Variants in ARID3A observed in about 807,000 individuals in gnomAD.
The protein encoded by ARID3A is AT-rich interaction domain 3A, also known as AT-rich interactive domain-containing protein 3A.
A neutral mutation model predicts 52.7 loss-of-function variants in ARID3A; 11 were observed. The observed-to-expected ratio is 0.21, with a 90% CI of 0.13 to 0.35. ARID3A has a LOEUF of 0.35. Among genes scored for constraint, ARID3A ranks in the 10% least tolerant of loss-of-function variants. The probability of loss-of-function intolerance (pLI) is 1.00; values close to 1 mark genes in which losing one functional copy is unlikely to be tolerated. For synonymous variants in ARID3A, 404 were observed against 359.4 expected, an observed-to-expected ratio of 1.12 and a Z score of -1.40; for missense variants, 721 against 838.5, an observed-to-expected ratio of 0.86 and a Z score of 1.73.
Position 960,294 on chromosome 19 carries a change from A to T in ARID3A, c.766+130A>T. 1.3e-6 allele frequency: 1 copy of T among 746,196 alleles called. No homozygotes were observed. The highest frequency in any genetic ancestry group is 2.1e-6 in the Non-Finnish European group (1 of 479,658). 46.2% of individuals were successfully genotyped at this position (746,196 alleles called of 1,614,324 possible). ...GGCTGGAGGCATCCAAGGCTCCTAA[A>T]TCGGGAGGGACTTCAGGGGTGTCTT... is the stretch of plus-strand genomic sequence containing the variant. On this transcript the variant is annotated intron_variant, in intron 4 of 8. Coordinates refer to ENST00000263620, the MANE Select transcript of ARID3A (RefSeq NM_005224.3). This position sits in a 1 kb window ranked among gnomAD's most constrained non-coding sequence, Gnocchi z 4.3.
chr19:960,277 G>C lies in ARID3A; in HGVS notation c.766+113G>C, dbSNP rs2302111. The C allele has an allele frequency of 0.1, 92,468 of 886,806 alleles. 5,857 individuals carry two copies. Among genetic ancestry groups the C allele is most frequent in the South Asian group, 0.26 (13,577 of 51,262 alleles). 54.9% of individuals were successfully genotyped at this position (886,806 alleles called of 1,614,324 possible). A position where few individuals can be genotyped will look rare whatever the true frequency, so the allele number is the denominator to read the frequency against. ...GGTGGTGAGCACCCCGTGGCTGGAGGCATCCAAGGCTCCTAAATCGGGAGG... is the reference window on the plus strand; with the variant it reads ...GGTGGTGAGCACCCCGTGGCTGGAGCCATCCAAGGCTCCTAAATCGGGAGG... On this transcript the variant is annotated intron_variant, in intron 4 of 8. Coordinates refer to ENST00000263620, the MANE Select transcript of ARID3A (RefSeq NM_005224.3). The surrounding 1 kb of genome is among the most constrained non-coding windows in gnomAD (Gnocchi z 4.3).
In ARID3A at chr19:974,583, G is replaced by A. The variant is rs1417012521; in HGVS notation, c.*2518G>A. On this transcript the variant is annotated 3_prime_UTR_variant, in exon 9 of 9. Coordinates refer to ENST00000263620, the MANE Select transcript of ARID3A (RefSeq NM_005224.3). ...TGAGCCCCTGGGGTGCCTCTCCCCC[G>A]CCTCCCGTGCACCAGGGTCTGCAGC... The A allele has an allele frequency of 1.3e-5, 3 of 229,402 alleles. No individual in the cohort carries two copies. Among genetic ancestry groups the A allele is most frequent in the African/African-American group, 2.2e-5 (1 of 45,002 alleles). The allele number at this position is 229,402 out of a possible 1,614,324, so 14.2% of individuals were successfully genotyped here. A position where few individuals can be genotyped will look rare whatever the true frequency, so the allele number is the denominator to read the frequency against.
intron 2 of ARID3A, among the ~76,000 whole-genome samples, chr19:930,871 C>T (rs532059223): frequency 1.3e-5 from 2 of 152,074 alleles, no homozygotes; most frequent in East Asian, 1.9e-4. Context: ...GCAGATTCAG[C>T]GGCAGGGGCA....
intron 2 of ARID3A, among the ~76,000 whole-genome samples, chr19:930,283 G>A (rs1387175830): frequency 6.6e-6 from 1 of 151,916 alleles, no homozygotes; most frequent in Non-Finnish European, 1.5e-5. Flanking sequence ...CGGGTGCTGT[G>A]GCTTACGCCC....
rs1197980632 is a variant in ARID3A, at chr19:941,071, G to A, written c.693+8329G>A. On this transcript the variant is annotated intron_variant, in intron 3 of 8. Transcript: ENST00000263620. This position sits in a 1 kb window ranked among gnomAD's most constrained non-coding sequence, Gnocchi z 6.9. ...GCGGGGTCACCGCCGCCGCGGCCTG[G>A]CCCCACGCCCACCGCCGGCGTCCCA... Among the ~76,000 whole-genome samples the A allele has an allele frequency of 2.6e-5, 4 of 152,056 alleles. No individual in the cohort carries two copies. The highest frequency in any genetic ancestry group is 7.2e-5 in the African/African-American group (3 of 41,428).
chr19:935,072 C>T (rs1454239869), intron 3 of ARID3A, among the ~76,000 whole-genome samples: 1 of 152,222 alleles, frequency 6.6e-6, no homozygotes, highest in Non-Finnish European at 1.5e-5. Flanking sequence ...CCCCTGTTGA[C>T]TCTGGCGCCT....
At chr19:962,224 G>C (rs1276955214) in intron 4 of ARID3A, among the ~76,000 whole-genome samples, 2 of 152,218 alleles carry the variant, frequency 1.3e-5, no homozygotes, top group Non-Finnish European at 2.9e-5. Flanking sequence ...TCCAGACAGA[G>C]AGAAATAATT....
At position 942,053 on chromosome 19, in the gene ARID3A, C is replaced by T. The variant is rs1473943947; in HGVS notation, c.693+9311C>T. Among the ~76,000 whole-genome samples the T allele has an allele frequency of 6.6e-6, 1 of 152,104 alleles. No individual in the cohort carries two copies. Among genetic ancestry groups the T allele is most frequent in the Non-Finnish European group, 1.5e-5 (1 of 68,002 alleles). On this transcript the variant is annotated intron_variant, in intron 3 of 8. Coordinates refer to ENST00000263620, the MANE Select transcript of ARID3A (RefSeq NM_005224.3). The surrounding 1 kb of genome is among the most constrained non-coding windows in gnomAD (Gnocchi z 8.1). The stretch of plus-strand genomic sequence containing the variant: ...GCTGTCTGTCTTGGTCAGCAGCGCG[C>T]GTCGGCCGCGGGGCACAGATCAGCG...
rs567621941 is a variant in ARID3A at position 960,232 on chromosome 19, G to C, written c.766+68G>C. ...ACAGGGCTGTAGGAGGGGCCCTACT[G>C]GCTCCAGGTATGTCGGGGCGGTGGT... On this transcript the variant is annotated intron_variant, in intron 4 of 8. Coordinates refer to ENST00000263620, the MANE Select transcript of ARID3A (RefSeq NM_005224.3). This position sits in a 1 kb window ranked among gnomAD's most constrained non-coding sequence, Gnocchi z 4.3. 7.1e-5 allele frequency: 104 copies of C among 1,455,396 alleles called. No individual in the cohort carries two copies. In the East Asian group the frequency reaches 2.3e-3, roughly 32 times the overall value. The allele number at this position is 1,455,396 out of a possible 1,614,324, so 90.2% of individuals were successfully genotyped here.
chr19:967,750 A>C (rs2038189334), intron 7 of ARID3A, among the ~76,000 whole-genome samples: 1 of 152,216 alleles, frequency 6.6e-6, no homozygotes, highest in African/African-American at 2.4e-5. Context: ...TTATGATCAG[A>C]AATGGCAGTT....
At chr19:963,717 C>T (rs1331241325) in intron 4 of ARID3A, among the ~76,000 whole-genome samples, 2 of 152,166 alleles carry the variant, frequency 1.3e-5, no homozygotes, top group Non-Finnish European at 2.9e-5. Context: ...TCCTCCTGGG[C>T]TAGCCCAACC....
intron 3 of ARID3A, among the ~76,000 whole-genome samples, chr19:940,305 A>T (rs902341575): frequency 6.6e-6 from 1 of 152,114 alleles, no homozygotes; most frequent in Non-Finnish European, 1.5e-5. Context: ...GCCAAAAAAA[A>T]TTGCAAAAAA....
At chr19:954,129 C>G (rs1010614119) in intron 3 of ARID3A, among the ~76,000 whole-genome samples, 10 of 151,864 alleles carry the variant, frequency 6.6e-5, no homozygotes, top group African/African-American at 2.2e-4. Context: ...CTGGGGGGCC[C>G]TGGGAGGCTG....
rs1263959833 is a variant in ARID3A at position 937,522 on chromosome 19, C to G, written c.693+4780C>G. On this transcript the variant is annotated intron_variant, in intron 3 of 8. Coordinates refer to ENST00000263620, the MANE Select transcript of ARID3A (RefSeq NM_005224.3). Reference sequence around the variant, plus strand: ...CTGTACACGTTTTTATGTGGGCGTACGTTTGTATTACTTTTGGGTGTGTAT... The same window carrying G: ...CTGTACACGTTTTTATGTGGGCGTAGGTTTGTATTACTTTTGGGTGTGTAT... Among the ~76,000 whole-genome samples the G allele has an allele frequency of 2.6e-5, 4 of 151,916 alleles. No homozygotes were observed. The South Asian group carries it at 8.3e-4, about 31-fold the overall frequency.
chr19:964,832 G>A lies in ARID3A; in HGVS notation c.951-1G>A. 1 of 1,611,220 alleles carries A rather than the reference G, an allele frequency of 6.2e-7. No homozygotes were observed. Among genetic ancestry groups the A allele is most frequent in the Non-Finnish European group, 8.5e-7 (1 of 1,177,682 alleles). ...ATCCTCTTCCCTCGTCCCACCCACAGATACATGAAGTACCTGTACCCCTAC... is the reference window on the plus strand; with the variant it reads ...ATCCTCTTCCCTCGTCCCACCCACAAATACATGAAGTACCTGTACCCCTAC... On this transcript the variant is annotated splice_acceptor_variant, in intron 5 of 8. Transcript: ENST00000263620. LOFTEE classifies it high-confidence loss of function. The surrounding 1 kb of genome is among the most constrained non-coding windows in gnomAD (Gnocchi z 5.7).
At position 974,376 on chromosome 19, in the gene ARID3A, CTGTT is replaced by C. The variant is rs1340355761; in HGVS notation, c.*2314_*2317del. 1.3e-5 allele frequency: 3 copies of C among 229,714 alleles called. No individual in the cohort carries two copies. Among genetic ancestry groups the C allele is most frequent in the African/African-American group, 6.6e-5 (3 of 45,200 alleles). 14.2% of individuals were successfully genotyped at this position (229,714 alleles called of 1,614,324 possible). Reference sequence around the variant, plus strand: ...CACAATCACCCCGGGAAGGGGGTGTCTGTTTGCCTCCAGACACAATCGGGCCCCA... The same window carrying C: ...CACAATCACCCCGGGAAGGGGGTGTCTGCCTCCAGACACAATCGGGCCCCA... On this transcript the variant is annotated 3_prime_UTR_variant, in exon 9 of 9. Transcript: ENST00000263620.
chr19:934,671 C>T (rs973761281), intron 3 of ARID3A, among the ~76,000 whole-genome samples: 2 of 152,098 alleles, frequency 1.3e-5, no homozygotes, highest in African/African-American at 4.8e-5. Flanking sequence ...CCGGGTGCCG[C>T]CTCTGGGTCT....
At position 944,454 on chromosome 19, in the gene ARID3A, A is replaced by G. The variant is rs2037633377; in HGVS notation, c.693+11712A>G. 6.6e-6 allele frequency among the ~76,000 whole-genome samples: 1 copy of G among 152,040 alleles called. No homozygotes were observed. On this transcript the variant is annotated intron_variant, in intron 3 of 8. Transcript: ENST00000263620. This position sits in a 1 kb window ranked among gnomAD's most constrained non-coding sequence, Gnocchi z 5.9. ...CATGGTTTGTGTCTGCCACGGCCTCAGCCCCGTTGCTTCGGTCGATGCCCC... is the reference window on the plus strand; with the variant it reads ...CATGGTTTGTGTCTGCCACGGCCTCGGCCCCGTTGCTTCGGTCGATGCCCC...
Position 947,594 on chromosome 19 carries a change from C to T in ARID3A, c.694-12498C>T, listed in dbSNP as rs1325223514. Among the ~76,000 whole-genome samples, 4 of 152,168 alleles carry T rather than the reference C, an allele frequency of 2.6e-5. No homozygotes were observed. Among genetic ancestry groups the T allele is most frequent in the South Asian group, 2.1e-4 (1 of 4,836 alleles). ...AAGACCGAGGTGCCAGGGTGGCGATCGCACGAAGGGCCCGTCACGGGAGAA... is the reference window on the plus strand; with the variant it reads ...AAGACCGAGGTGCCAGGGTGGCGATTGCACGAAGGGCCCGTCACGGGAGAA... On this transcript the variant is annotated intron_variant, in intron 3 of 8. Coordinates refer to ENST00000263620, the MANE Select transcript of ARID3A (RefSeq NM_005224.3). This position sits in a 1 kb window ranked among gnomAD's most constrained non-coding sequence, Gnocchi z 6.3.
Sources: allele counts gnomAD v4.1 joint callset (sites outside exome capture counted in the v4.1 genomes callset), GRCh38; gene constraint gnomAD v4.1.1; non-coding constraint Gnocchi (gnomAD v3.1); transcripts MANE v1.5; gene names NCBI Gene and HGNC (gene_info 2026-07-23, HGNC 2026-07-21).